The following NBEA variants were observed in gnomAD, a reference collection of about 807,000 sequenced individuals.
NBEA encodes neurobeachin.
A neutral mutation model predicts 343.4 loss-of-function variants in NBEA; 44 were observed. The observed-to-expected ratio is 0.13, with a 90% CI of 0.10 to 0.16. NBEA has a LOEUF of 0.16. Among genes scored for constraint, NBEA ranks in the 10% least tolerant of loss-of-function variants. NBEA has a pLI of 1.00. For synonymous variants in NBEA, 1,175 were observed against 1,238.7 expected, an observed-to-expected ratio of 0.95 and a Z score of 1.08; for missense variants, 2,555 against 3,631.3, an observed-to-expected ratio of 0.70 and a Z score of 7.62.
At chr13:35,647,901 G>T (rs909359373) in intron 51 of NBEA, among the ~76,000 whole-genome samples, 1 of 151,756 alleles carries the variant, frequency 6.6e-6, no homozygotes, top group African/African-American at 2.4e-5. Flanking sequence ...TTTAAGATAG[G>T]GTCTCACTCT....
At chr13:35,498,564 TAAAG>T (rs1396291502) in intron 41 of NBEA, among the ~76,000 whole-genome samples, 1 of 152,050 alleles carries the variant, frequency 6.6e-6, no homozygotes, top group Non-Finnish European at 1.5e-5. Flanking sequence ...CAGGATAACT[TAAAG>T]AAAAGCTGCT....
intron 34 of NBEA, among the ~76,000 whole-genome samples, chr13:35,264,383 A>G (rs937130098): frequency 9.2e-5 from 14 of 151,902 alleles, no homozygotes; most frequent in Non-Finnish European, 2.1e-4. Context: ...AGGAGGTAAT[A>G]TTTCCAAACA....
At chr13:35,000,962 T>TG (rs1372106477) in intron 1 of NBEA, among the ~76,000 whole-genome samples, 19 of 152,210 alleles carry the variant, frequency 1.2e-4, no homozygotes, top group African/African-American at 4.3e-4. Context: ...GTTGGTTTTT[T>TG]TTTGTTGTTG....
chr13:35,373,662 G>A (rs773770917), intron 38 of NBEA, among the ~76,000 whole-genome samples: 7 of 151,522 alleles, frequency 4.6e-5, no homozygotes, highest in African/African-American at 9.7e-5. Flanking sequence ...ATGTGATGGC[G>A]CCACTGCACT....
intron 30 of NBEA, among the ~76,000 whole-genome samples, chr13:35,187,905 A>T (rs956594795): frequency 6.6e-6 from 1 of 151,348 alleles, no homozygotes; most frequent in East Asian, 1.9e-4. Flanking sequence ...ATGCCTCAGG[A>T]TGTTTGTATT....
chr13:35,184,445 C>T (rs1028078981), intron 30 of NBEA, among the ~76,000 whole-genome samples: 14 of 151,896 alleles, frequency 9.2e-5, no homozygotes, highest in Non-Finnish European at 1.3e-4. Flanking sequence ...CTGATCTATA[C>T]GTTATTTAAC....
At chr13:35,280,813 A>G (rs2034998970) in intron 34 of NBEA, among the ~76,000 whole-genome samples, 1 of 151,434 alleles carries the variant, frequency 6.6e-6, no homozygotes, top group African/African-American at 2.4e-5. Flanking sequence ...CCTTTTTTAG[A>G]TTTCCTAGTT....
intron 30 of NBEA, chr13:35,186,704 G>A (rs766273637): frequency 7.2e-5 from 11 of 152,106 alleles, no homozygotes; most frequent in Admixed American, 6.6e-4. Flanking sequence ...ATTTATAATC[G>A]CAGTATTTGT....
At chr13:35,592,876 T>G (rs1017492146) in intron 46 of NBEA, 5 of 151,120 alleles carry the variant, frequency 3.3e-5, no homozygotes, top group African/African-American at 1.2e-4. Context: ...TCATGGACAT[T>G]CTCTACCTAA....
intron 39 of NBEA, among the ~76,000 whole-genome samples, chr13:35,432,598 C>T (rs1221094337): frequency 1.3e-5 from 2 of 151,748 alleles, no homozygotes; most frequent in Admixed American, 6.6e-5. Flanking sequence ...TTTTTGTAGC[C>T]TTCAACTTAT....
chr13:35,650,074 A>T (rs2084443017), intron 52 of NBEA, among the ~76,000 whole-genome samples: 1 of 152,162 alleles, frequency 6.6e-6, no homozygotes, highest in Admixed American at 6.5e-5. Context: ...ACTACTCAGT[A>T]ACTATTTGAC....
At chr13:35,080,815 G>GA (rs1466141817) in intron 10 of NBEA, among the ~76,000 whole-genome samples, 1 of 152,118 alleles carries the variant, frequency 6.6e-6, no homozygotes, top group Non-Finnish European at 1.5e-5. Flanking sequence ...TCAGGCATGA[G>GA]ACACATAAAT....
chr13:35,231,601 A>G (rs1051042252), intron 33 of NBEA, among the ~76,000 whole-genome samples: 36 of 152,246 alleles, frequency 2.4e-4, no homozygotes, highest in African/African-American at 8.4e-4. Context: ...AGAGCAAAAA[A>G]GTGAACATTA....
chr13:35,088,475 G>C (rs949524979), intron 10 of NBEA, among the ~76,000 whole-genome samples: 2 of 151,800 alleles, frequency 1.3e-5, no homozygotes, highest in African/African-American at 4.8e-5. Flanking sequence ...TATATGGTCT[G>C]GGGGTATCCC....
chr13:35,118,589 G>A (rs185168358), intron 16 of NBEA, 115 bp downstream of exon 16: 2 of 752,788 alleles, frequency 2.7e-6, no homozygotes, highest in East Asian at 5.6e-5. Context: ...TTGCACATAA[G>A]AGAATAAATG....
rs1464455507 is a variant in NBEA, at chr13:35,168,988, G to A, written c.4235G>A (p.Gly1412Asp). 6.7e-7 allele frequency: 1 copy of A among 1,498,336 alleles called. No individual in the cohort carries two copies. The highest frequency in any genetic ancestry group is 1.4e-5 in the South Asian group (1 of 72,694). The allele number at this position is 1,498,336 out of a possible 1,614,324, so 92.8% of individuals were successfully genotyped here. A position where few individuals can be genotyped will look rare whatever the true frequency, so the allele number is the denominator to read the frequency against. The change falls in exon 25 of 59, where the codon GGT (glycine) becomes GAT (aspartate). Residue 1412 changes from glycine (G) to aspartate (D), a missense_variant and splice_region_variant. Around this residue, in one of 21 missense-constraint regions of NBEA, gnomAD observed 168 missense variants for 193.0 expected, o/e 0.87. Transcript: ENST00000379939. ...CTGTTTTGTCTAATGCATGTCCAGG[G>A]TTCTAAGGTTAGTATTACTTTTGTA... ...PLLSAATSPT[G>D]SKTELENIEV...
intron 39 of NBEA, among the ~76,000 whole-genome samples, chr13:35,444,417 T>A (rs1000496329): frequency 3.9e-5 from 6 of 152,024 alleles, no homozygotes; most frequent in African/African-American, 1.4e-4. Context: ...TTCATGTAAT[T>A]AATGCACTTT....
At chr13:35,134,220 A>G (rs1040590698) in intron 17 of NBEA, among the ~76,000 whole-genome samples, 12 of 152,068 alleles carry the variant, frequency 7.9e-5, no homozygotes, top group African/African-American at 2.7e-4. Flanking sequence ...TAGAGATGAC[A>G]TATCTCTCTC....
chr13:35,164,991 A>C, intron 24 of NBEA: 3 of 469,152 alleles, frequency 6.4e-6, no homozygotes, highest in Non-Finnish European at 1.3e-5. Context: ...TTTGTATTTT[A>C]GTTGTCATTA....
Sources: allele counts gnomAD v4.1 joint callset (sites outside exome capture counted in the v4.1 genomes callset), GRCh38; gene constraint gnomAD v4.1.1; regional missense constraint gnomAD v4.1.1; transcripts MANE v1.5; gene names NCBI Gene and HGNC (gene_info 2026-07-23, HGNC 2026-07-21).